CCDC6: variants seen among roughly 807,000 people sequenced by gnomAD.
CCDC6 encodes the protein coiled-coil domain containing 6.
CCDC6 carries 20 observed loss-of-function variants against 56.6 expected under a neutral mutation model. That is an observed-to-expected ratio of 0.35 (90% confidence interval 0.25 to 0.51). The LOEUF (loss-of-function observed/expected upper bound fraction) is 0.51. Among genes scored for constraint, CCDC6 ranks in the 20% least tolerant of loss-of-function variants. The pLI, the probability that CCDC6 is intolerant of heterozygous loss-of-function variation, is 0.95. For missense variants in CCDC6, 367 were observed against 601.1 expected (o/e 0.61, Z 4.07); for synonymous variants, 241 against 234.4 (o/e 1.03, Z -0.26).
intron 3 of CCDC6, among the ~76,000 whole-genome samples, chr10:59,828,780 A>G (rs551139720): frequency 6.6e-6 from 1 of 152,240 alleles, no homozygotes; most frequent in African/African-American, 2.4e-5. Flanking sequence ...GGGAGAGGAC[A>G]TGAGAATAAG....
intron 8 of CCDC6, among the ~76,000 whole-genome samples, chr10:59,794,204 A>G (rs546748450): frequency 2.7e-4 from 41 of 152,348 alleles, no homozygotes; most frequent in African/African-American, 9.6e-4. Flanking sequence ...CCAGAGTTCA[A>G]TCAAAGCACT....
chr10:59,846,612 T>A (rs796666368), intron 2 of CCDC6, among the ~76,000 whole-genome samples: 13 of 152,340 alleles, frequency 8.5e-5, no homozygotes, highest in African/African-American at 3.1e-4. Flanking sequence ...CCTATTAGGA[T>A]ATGGCTACAA....
intron 2 of CCDC6, among the ~76,000 whole-genome samples, chr10:59,833,126 C>G (rs1174604290): frequency 6.6e-6 from 1 of 152,144 alleles, no homozygotes; most frequent in Non-Finnish European, 1.5e-5. Flanking sequence ...CTGTATGCCA[C>G]AGTTACTATA....
chr10:59,893,649 TAC>T, intron 1 of CCDC6, among the ~76,000 whole-genome samples: 1 of 129,252 alleles, frequency 7.7e-6, no homozygotes, highest in Non-Finnish European at 1.7e-5. Flanking sequence ...CATACATACA[TAC>T]ATACATACAT....
intron 1 of CCDC6, among the ~76,000 whole-genome samples, chr10:59,868,139 CT>C (rs1304230759): frequency 2.6e-5 from 4 of 152,124 alleles, no homozygotes; most frequent in Non-Finnish European, 5.9e-5. Flanking sequence ...GCAAAATAAA[CT>C]TTCTAAATTG....
At chr10:59,890,954 A>G (rs545530760) in intron 1 of CCDC6, among the ~76,000 whole-genome samples, 23 of 152,126 alleles carry the variant, frequency 1.5e-4, no homozygotes, top group Non-Finnish European at 2.8e-4. Context: ...TCATTGTTCA[A>G]TTCCCACCTA....
chr10:59,842,411 G>A (rs2070947824), intron 2 of CCDC6, among the ~76,000 whole-genome samples: 1 of 152,140 alleles, frequency 6.6e-6, no homozygotes, highest in South Asian at 2.1e-4. Flanking sequence ...TTTTTATCAT[G>A]AATTGTTACA....
At chr10:59,848,104 A>G (rs796271246) in intron 2 of CCDC6, among the ~76,000 whole-genome samples, 13 of 152,268 alleles carry the variant, frequency 8.5e-5, no homozygotes, top group African/African-American at 3.1e-4. Flanking sequence ...CTGCGATAGA[A>G]TAGATCCTGC....
chr10:59,821,822 T>A (rs2070751869), intron 3 of CCDC6, among the ~76,000 whole-genome samples: 1 of 152,186 alleles, frequency 6.6e-6, no homozygotes, highest in Admixed American at 6.5e-5. Flanking sequence ...TACAGCAAGA[T>A]AAATATGGTT....
chr10:59,818,692 CCCAT>C (rs1374308709), intron 3 of CCDC6, among the ~76,000 whole-genome samples: 1 of 152,062 alleles, frequency 6.6e-6, no homozygotes, highest in Non-Finnish European at 1.5e-5. Flanking sequence ...GAGTTGGTGC[CCCAT>C]CCAGGATTGG....
intron 1 of CCDC6, among the ~76,000 whole-genome samples, chr10:59,869,430 A>AAAAAAAAAG (rs2071208611): frequency 1.1e-4 from 1 of 9,092 alleles, no homozygotes; most frequent in Non-Finnish European, 1.9e-4. Context: ...CAGAAAAAAG[A>AAAAAAAAAG]AAAAAAAAAA....
intron 1 of CCDC6, among the ~76,000 whole-genome samples, chr10:59,854,160 A>T (rs2071061422): frequency 6.6e-6 from 1 of 152,128 alleles, no homozygotes; most frequent in Admixed American, 6.5e-5. Flanking sequence ...CACCCACATT[A>T]AACAATTACC....
At chr10:59,869,539 C>A (rs1385675706) in intron 1 of CCDC6, among the ~76,000 whole-genome samples, 4 of 151,456 alleles carry the variant, frequency 2.6e-5, no homozygotes, top group Non-Finnish European at 5.9e-5. Flanking sequence ...TCAGAAAGTC[C>A]TGTTTCTAAT....
At chr10:59,816,104 T>C (rs903057232) in intron 3 of CCDC6, among the ~76,000 whole-genome samples, 6 of 152,108 alleles carry the variant, frequency 3.9e-5, no homozygotes, top group African/African-American at 1.4e-4. Flanking sequence ...GACTTGCCCA[T>C]ATTCACACAG....
At chr10:59,859,944 T>C (rs980869131) in intron 1 of CCDC6, among the ~76,000 whole-genome samples, 9 of 152,144 alleles carry the variant, frequency 5.9e-5, no homozygotes, top group African/African-American at 2.2e-4. Context: ...TAGCTGGGTG[T>C]GGTGGCGCAC....
chr10:59,904,150 C>G (rs867300528), intron 1 of CCDC6, among the ~76,000 whole-genome samples: 1 of 151,358 alleles, frequency 6.6e-6, no homozygotes, highest in African/African-American at 2.4e-5. Flanking sequence ...TCATTAACAC[C>G]ACACGACATT....
chr10:59,894,631 T>A (rs903860233), intron 1 of CCDC6, among the ~76,000 whole-genome samples: 3 of 151,740 alleles, frequency 2.0e-5, no homozygotes, highest in Non-Finnish European at 4.4e-5. Context: ...TAAGTAGAGA[T>A]TGTAACATAA....
chr10:59,866,701 A>G (rs2071180781), intron 1 of CCDC6, among the ~76,000 whole-genome samples: 1 of 152,180 alleles, frequency 6.6e-6, no homozygotes, highest in Non-Finnish European at 1.5e-5. Flanking sequence ...GAGGGCTATG[A>G]TTCAAGCAAA....
intron 2 of CCDC6, among the ~76,000 whole-genome samples, chr10:59,842,777 A>C (rs1303179003): frequency 1.5e-5 from 2 of 137,188 alleles, no homozygotes; most frequent in African/African-American, 5.5e-5. Flanking sequence ...TTTTTGAGAC[A>C]GAGTTTTGCT....
Sources: gnomAD v4.1 joint callset for allele counts (sites outside exome capture counted in the v4.1 genomes callset) on GRCh38, gnomAD v4.1.1 for gene constraint, MANE v1.5 for transcripts, NCBI Gene and HGNC (gene_info 2026-07-23, HGNC 2026-07-21) for gene names.